The following OR2L3 variants were observed in gnomAD, a reference collection of about 807,000 sequenced individuals.
OR2L3 encodes olfactory receptor family 2 subfamily L member 3.
For synonymous variants in OR2L3, 131 were observed against 139.1 expected (o/e 0.94, Z 0.41); for missense variants, 369 against 376.6 (o/e 0.98, Z 0.17).
chr1:248,056,491 G>A (rs1305707729), intron 1 of OR2L3, among the ~76,000 whole-genome samples: 1 of 152,040 alleles, frequency 6.6e-6, no homozygotes, highest in Non-Finnish European at 1.5e-5. Flanking sequence ...TGTGCATTTA[G>A]TGCAATAAAT....
At chr1:248,056,400 G>T (rs1663435243) in intron 1 of OR2L3, among the ~76,000 whole-genome samples, 1 of 151,888 alleles carries the variant, frequency 6.6e-6, no homozygotes, top group Non-Finnish European at 1.5e-5. Context: ...GCTAGTTCTG[G>T]GGTTTGTTTG....
chr1:248,048,007 C>T (rs546292604), intron 1 of OR2L3, among the ~76,000 whole-genome samples: 5 of 152,250 alleles, frequency 3.3e-5, no homozygotes, highest in East Asian at 1.9e-4. Context: ...AGGTAGAATT[C>T]GATTTATTTT....
Position 248,061,482 on chromosome 1 carries a change from A to G in OR2L3, c.801A>G (p.Pro267=). The change falls in exon 2 of 2, where the codon CCA becomes CCG. Residue 267 remains proline (P), a synonymous_variant. Coordinates refer to ENST00000359959, the MANE Select transcript of OR2L3 (RefSeq NM_001004687.2). The part of the protein sequence containing the change: ...TYLRPRSLRS[P]TEDKVLAVFY... ...TACGTCCAAGATCCCTGCGATCTCC[A>G]ACAGAGGACAAGGTTCTGGCTGTCT... 6.2e-7 allele frequency: 1 copy of G among 1,613,946 alleles called. No individual in the cohort carries two copies.
At chr1:248,049,017 A>G (rs563059581) in intron 1 of OR2L3, among the ~76,000 whole-genome samples, 45 of 151,916 alleles carry the variant, frequency 3.0e-4, no homozygotes, top group African/African-American at 8.9e-4. Context: ...GTGATGAATA[A>G]TAATTTTTTC....
Position 248,047,430 on chromosome 1 carries a change from A to G in OR2L3, c.-22+550A>G, listed in dbSNP as rs142138523. 7.2e-5 allele frequency among the ~76,000 whole-genome samples: 11 copies of G among 152,324 alleles called. No homozygotes were observed. In the East Asian group the frequency reaches 1.9e-3, roughly 27 times the overall value. ...GTTAAAGGGGCATTAAAGTAAAGGTACAACGAGAATGGTTAAAATCACCAG... is the reference window on the plus strand; with the variant it reads ...GTTAAAGGGGCATTAAAGTAAAGGTGCAACGAGAATGGTTAAAATCACCAG... On this transcript the variant is annotated intron_variant, in intron 1 of 1. Coordinates refer to ENST00000359959, the MANE Select transcript of OR2L3 (RefSeq NM_001004687.2).
chr1:248,052,588 G>A (rs1663296792), intron 1 of OR2L3, among the ~76,000 whole-genome samples: 2 of 152,060 alleles, frequency 1.3e-5, no homozygotes, highest in Admixed American at 6.6e-5. Flanking sequence ...AAAATTAGCT[G>A]GGCGTGGTGG....
intron 1 of OR2L3, among the ~76,000 whole-genome samples, chr1:248,052,441 G>C (rs977454255): frequency 2.6e-5 from 4 of 152,074 alleles, no homozygotes; most frequent in Admixed American, 2.0e-4. Context: ...AAATCAGAAA[G>C]TATATGGCCT....
chr1:248,059,113 A>G (rs1663534444), intron 1 of OR2L3, among the ~76,000 whole-genome samples: 1 of 152,064 alleles, frequency 6.6e-6, no homozygotes, highest in Non-Finnish European at 1.5e-5. Flanking sequence ...TTATAATCTC[A>G]GTGTATTTAT....
chr1:248,058,649 A>G (rs918210890), intron 1 of OR2L3, among the ~76,000 whole-genome samples: 1 of 151,494 alleles, frequency 6.6e-6, no homozygotes, highest in South Asian at 2.1e-4. Flanking sequence ...ATTTTTATAT[A>G]ATATTTTTCA....
In OR2L3 at chr1:248,062,649, T is replaced by C. The variant is rs1283558553; in HGVS notation, c.*1029T>C. ...AATTAGATAGAATGAATAAGAGTAT[T>C]TGATAGCACAATAGAGTAACTATAG... On this transcript the variant is annotated 3_prime_UTR_variant, in exon 2 of 2. Coordinates refer to ENST00000359959, the MANE Select transcript of OR2L3 (RefSeq NM_001004687.2). The C allele has an allele frequency of 6.6e-6, 1 of 152,168 alleles. No homozygotes were observed. Among genetic ancestry groups the C allele is most frequent in the Non-Finnish European group, 1.5e-5 (1 of 68,032 alleles). The allele number at this position is 152,168 out of a possible 1,614,324, so 9.4% of individuals were successfully genotyped here. A position where few individuals can be genotyped will look rare whatever the true frequency, so the allele number is the denominator to read the frequency against.
At chr1:248,055,153 A>G (rs1663393935) in intron 1 of OR2L3, among the ~76,000 whole-genome samples, 1 of 152,084 alleles carries the variant, frequency 6.6e-6, no homozygotes, top group Admixed American at 6.6e-5. Flanking sequence ...CATGAAGGGA[A>G]GTCGAATTTT....
intron 1 of OR2L3, among the ~76,000 whole-genome samples, chr1:248,051,758 G>A (rs1305461055): frequency 6.7e-6 from 1 of 148,794 alleles, no homozygotes; most frequent in East Asian, 2.0e-4. Flanking sequence ...CTGTTCAAGT[G>A]TCTGCTTTTA....
In OR2L3 at chr1:248,060,830, T is replaced by G. The variant is rs972376681; in HGVS notation, c.149T>G (p.Leu50Trp). Residue 50 changes from leucine to tryptophan, a missense_variant, in exon 2 of 2, where the codon TTG becomes TGG. Coordinates refer to ENST00000359959, the MANE Select transcript of OR2L3 (RefSeq NM_001004687.2). ...CTATCCATGATTCTTCTCATCTTCT[T>G]GGACACCCATCTCCACACACCCATG... The part of the protein sequence containing the change: ...GNLSMILLIF[L>W]DTHLHTPMYF... 5.6e-6 allele frequency: 9 copies of G among 1,613,936 alleles called. No individual in the cohort carries two copies. In the Admixed American group the frequency reaches 6.7e-5, roughly 12 times the overall value.
intron 1 of OR2L3, among the ~76,000 whole-genome samples, chr1:248,055,411 T>G (rs538839322): frequency 6.6e-6 from 1 of 152,210 alleles, no homozygotes; most frequent in South Asian, 2.1e-4. Flanking sequence ...CTTTTTTTTT[T>G]GTTATGTCTC....
chr1:248,052,592 G>A lies in OR2L3; in HGVS notation c.-22+5712G>A, dbSNP rs529357785. 3.4e-4 allele frequency among the ~76,000 whole-genome samples: 51 copies of A among 152,142 alleles called. 1 individual carries two copies. In the South Asian group the frequency reaches 5.0e-3, roughly 15 times the overall value. ...AAATACAAAAAAAAATTAGCTGGGC[G>A]TGGTGGCGGGCACCTGTAGTCCCAG... On this transcript the variant is annotated intron_variant, in intron 1 of 1. Transcript: ENST00000359959.
At chr1:248,054,621 C>A (rs1286015308) in intron 1 of OR2L3, among the ~76,000 whole-genome samples, 2 of 151,956 alleles carry the variant, frequency 1.3e-5, no homozygotes, top group Non-Finnish European at 1.5e-5. Flanking sequence ...TTTCCTTGAA[C>A]AATGGTTTGT....
intron 1 of OR2L3, among the ~76,000 whole-genome samples, chr1:248,052,635 C>G (rs1356189149): frequency 6.6e-6 from 1 of 151,868 alleles, no homozygotes; most frequent in African/African-American, 2.4e-5. Context: ...GGAGGCTAAG[C>G]CAGGAGAATG....
At position 248,060,545 on chromosome 1, in the gene OR2L3, G is replaced by T. The variant is rs112591442; in HGVS notation, c.-21-116G>T. 269 of 681,936 alleles carry T rather than the reference G, an allele frequency of 3.9e-4. 2 individuals are homozygous for T. The African/African-American group carries it at 4.1e-3, about 10-fold the overall frequency. The allele number at this position is 681,936 out of a possible 1,614,324, so 42.2% of individuals were successfully genotyped here. On this transcript the variant is annotated intron_variant, in intron 1 of 1. Coordinates refer to ENST00000359959, the MANE Select transcript of OR2L3 (RefSeq NM_001004687.2). ...GTATGTGTGGACAGAAAATAATAGT[G>T]TATATAGGGCTCAGTGTCAACTCCA... is the stretch of plus-strand genomic sequence containing the variant.
chr1:248,053,610 C>T (rs1663344284), intron 1 of OR2L3, among the ~76,000 whole-genome samples: 1 of 152,202 alleles, frequency 6.6e-6, no homozygotes, highest in Non-Finnish European at 1.5e-5. Context: ...CACAGCCTCA[C>T]TAGCATCTGT....
Sources: allele counts gnomAD v4.1 joint callset (sites outside exome capture counted in the v4.1 genomes callset), GRCh38; gene constraint gnomAD v4.1.1; transcripts MANE v1.5; gene names NCBI Gene and HGNC (gene_info 2026-07-23, HGNC 2026-07-21).